The following RBPMS variants were observed in gnomAD, a reference collection of about 807,000 sequenced individuals.
RBPMS encodes RNA binding protein, mRNA processing factor.
RBPMS carries 7 observed loss-of-function variants against 26.8 expected under a neutral mutation model. The ratio of observed to expected loss-of-function variants is 0.26; its 90% CI spans 0.15 to 0.49. The LOEUF (loss-of-function observed/expected upper bound fraction) is 0.49. Ranked by LOEUF, RBPMS falls within the 20% of genes least tolerant of loss-of-function variation. The probability of loss-of-function intolerance (pLI) is 0.98; values close to 1 mark genes in which losing one functional copy is unlikely to be tolerated. For synonymous variants in RBPMS, 96 were observed against 93.3 expected (o/e 1.03, Z -0.17); for missense variants, 186 against 250.0 (o/e 0.74, Z 1.73).
At chr8:30,416,592 C>G (rs1810108651) in intron 1 of RBPMS, among the ~76,000 whole-genome samples, 1 of 152,162 alleles carries the variant, frequency 6.6e-6, no homozygotes, top group African/African-American at 2.4e-5. Context: ...ATGCCATTCT[C>G]CTGCCTCAGC....
At chr8:30,484,416 G>A (rs1818577869) in intron 4 of RBPMS, among the ~76,000 whole-genome samples, 1 of 152,078 alleles carries the variant, frequency 6.6e-6, no homozygotes. Flanking sequence ...GTAACAGAAG[G>A]GGGAAAAACT....
At chr8:30,543,453 A>G (rs960543600) in intron 5 of RBPMS, among the ~76,000 whole-genome samples, 2 of 150,212 alleles carry the variant, frequency 1.3e-5, no homozygotes, top group Non-Finnish European at 2.9e-5. Flanking sequence ...AGACTCAGGG[A>G]AAGTACTGAA....
intron 1 of RBPMS, among the ~76,000 whole-genome samples, chr8:30,438,135 T>G (rs1285436292): frequency 6.6e-6 from 1 of 152,068 alleles, no homozygotes; most frequent in Non-Finnish European, 1.5e-5. Context: ...AGCAGGGTTC[T>G]CTAAATAATA....
intron 4 of RBPMS, 25 bp downstream of exon 4, chr8:30,479,402 G>C: frequency 6.5e-7 from 1 of 1,548,442 alleles, no homozygotes; most frequent in Non-Finnish European, 8.9e-7. Context: ...TGTAATTGTA[G>C]GGGGTTTCCA....
Position 30,570,722 on chromosome 8 carries a change from TA to T in RBPMS, c.*198del, listed in dbSNP as rs1326222060. The T allele has an allele frequency of 1.3e-5, 2 of 152,746 alleles. No individual in the cohort carries two copies. Among genetic ancestry groups the T allele is most frequent in the East Asian group, 3.9e-4 (2 of 5,192 alleles). The allele number at this position is 152,746 out of a possible 1,614,324, so 9.5% of individuals were successfully genotyped here. On this transcript the variant is annotated 3_prime_UTR_variant, in exon 9 of 9. Transcript: ENST00000397323. ...CATCTGTTTTTCTCGAAGAAAAAAATATAATTAATAAAAATGTTTTACTCTT... is the reference window on the plus strand; with the variant it reads ...CATCTGTTTTTCTCGAAGAAAAAAATTAATTAATAAAAATGTTTTACTCTT...
chr8:30,393,168 G>C (rs1336373981), intron 1 of RBPMS, among the ~76,000 whole-genome samples: 5 of 151,956 alleles, frequency 3.3e-5, no homozygotes, highest in African/African-American at 1.2e-4. Flanking sequence ...TTTTTAAAGG[G>C]TTTGGTATAC....
chr8:30,424,610 T>G (rs1309297354), intron 1 of RBPMS, among the ~76,000 whole-genome samples: 3 of 152,226 alleles, frequency 2.0e-5, no homozygotes. Flanking sequence ...GATCTTAATC[T>G]TTTCATCTGT....
At chr8:30,439,118 G>A (rs112206764) in intron 1 of RBPMS, among the ~76,000 whole-genome samples, 79 of 152,244 alleles carry the variant, frequency 5.2e-4, no homozygotes, top group Middle Eastern at 3.4e-3. Context: ...ACCTTTAAGC[G>A]TCAAAAATAC....
rs142654561 is a variant in RBPMS, at chr8:30,494,129, A to G, written c.247-10157A>G. Among the ~76,000 whole-genome samples, 438 of 152,296 alleles carry G rather than the reference A, an allele frequency of 2.9e-3. 4 individuals carry two copies. The highest frequency in any genetic ancestry group is 9.9e-3 in the African/African-American group (410 of 41,552). On this transcript the variant is annotated intron_variant, in intron 4 of 8. Coordinates refer to ENST00000397323, the MANE Select transcript of RBPMS (RefSeq NM_001008710.3). ...AGATCTACTCAGACTGTGTGAACCA[A>G]CAGACATGGGGCAGGAGAAGCAGGA...
intron 8 of RBPMS, among the ~76,000 whole-genome samples, chr8:30,566,586 TG>T (rs1827901168): frequency 6.6e-6 from 1 of 152,214 alleles, no homozygotes; most frequent in South Asian, 2.1e-4. Flanking sequence ...CAGTATTTGG[TG>T]CTCACCATGT....
chr8:30,535,705 A>G (rs1006243264), intron 5 of RBPMS, among the ~76,000 whole-genome samples: 1 of 152,194 alleles, frequency 6.6e-6, no homozygotes, highest in African/African-American at 2.4e-5. Context: ...TGGGATTACA[A>G]GCATGTGCCC....
intron 6 of RBPMS, among the ~76,000 whole-genome samples, chr8:30,549,924 C>T (rs1372337339): frequency 2.0e-5 from 3 of 148,264 alleles, no homozygotes; most frequent in African/African-American, 7.5e-5. Context: ...GATCTCGGCT[C>T]ACTGCAAGCT....
intron 1 of RBPMS, among the ~76,000 whole-genome samples, chr8:30,428,827 A>T (rs1182607022): frequency 6.6e-6 from 1 of 151,890 alleles, no homozygotes; most frequent in Non-Finnish European, 1.5e-5. Context: ...TTTTAATGGT[A>T]TGATTTAAAT....
chr8:30,492,260 T>C (rs1297094419), intron 4 of RBPMS, among the ~76,000 whole-genome samples: 1 of 152,228 alleles, frequency 6.6e-6, no homozygotes, highest in African/African-American at 2.4e-5. Flanking sequence ...ATTCAACTTA[T>C]CTTTGAGTGC....
intron 4 of RBPMS, among the ~76,000 whole-genome samples, chr8:30,503,040 T>TGAA (rs60284087): frequency 1 from 151,821 of 152,222 alleles, 75,710 homozygotes; most frequent in Middle Eastern, 1. Context: ...GTCATGCTCA[T>TGAA]GAAGTTCCAC....
rs547292461 is a variant in RBPMS at position 30,423,534 on chromosome 8, A to G, written c.66+38376A>G. 2.6e-5 allele frequency among the ~76,000 whole-genome samples: 4 copies of G among 151,602 alleles called. No homozygotes were observed. The East Asian group carries it at 7.8e-4, about 30-fold the overall frequency. On this transcript the variant is annotated intron_variant, in intron 1 of 8. Transcript: ENST00000397323. Reference sequence around the variant, plus strand: ...GGGCTCAGGGGCCATCTATTGTAGGAGTAACGGCCACTTCCCATCCATTTC... The same window carrying G: ...GGGCTCAGGGGCCATCTATTGTAGGGGTAACGGCCACTTCCCATCCATTTC...
chr8:30,417,450 A>G (rs2150603387), intron 1 of RBPMS, among the ~76,000 whole-genome samples: 2 of 151,774 alleles, frequency 1.3e-5, no homozygotes, highest in Non-Finnish European at 2.9e-5. Context: ...AAAGTTGCAA[A>G]CCAAAAAAAC....
chr8:30,548,083 G>C (rs1485302424), intron 6 of RBPMS, among the ~76,000 whole-genome samples: 2 of 152,232 alleles, frequency 1.3e-5, no homozygotes, highest in African/African-American at 4.8e-5. Flanking sequence ...GCGACCCTGT[G>C]CAGCAGACAT....
rs553332612 is a variant in RBPMS at position 30,412,535 on chromosome 8, A to G, written c.66+27377A>G. On this transcript the variant is annotated intron_variant, in intron 1 of 8. Transcript: ENST00000397323. ...CATCTATTTTTAGCACCTCATCTCCATGGTTCTTGCCCTCTCAAAACCAAT... is the reference window on the plus strand; with the variant it reads ...CATCTATTTTTAGCACCTCATCTCCGTGGTTCTTGCCCTCTCAAAACCAAT... 4.6e-5 allele frequency among the ~76,000 whole-genome samples: 7 copies of G among 151,408 alleles called. No individual in the cohort carries two copies. The East Asian group carries it at 1.4e-3, about 29-fold the overall frequency.
Sources: gnomAD v4.1 joint callset for allele counts (sites outside exome capture counted in the v4.1 genomes callset) on GRCh38, gnomAD v4.1.1 for gene constraint, MANE v1.5 for transcripts, NCBI Gene and HGNC (gene_info 2026-07-23, HGNC 2026-07-21) for gene names.